Variants in AQP5 observed in about 807,000 individuals in gnomAD.
AQP5 encodes aquaporin-5.
In AQP5, 15 loss-of-function variants were observed where a neutral mutation model predicts 19.1. That is an observed-to-expected ratio of 0.79 (90% confidence interval 0.53 to 1.21). AQP5 has a LOEUF of 1.21. Ranked by LOEUF, AQP5 falls within the 50% of genes most tolerant of loss-of-function variation. The probability of loss-of-function intolerance (pLI) is 0.00; values close to 1 mark genes in which losing one functional copy is unlikely to be tolerated. For synonymous variants in AQP5, 182 were observed against 160.3 expected, an observed-to-expected ratio of 1.14 and a Z score of -1.02; for missense variants, 355 against 357.1, an observed-to-expected ratio of 0.99 and a Z score of 0.05.
chr12:49,964,929 G>T, intron 3 of AQP5, 63 bp from the exon 4 acceptor site: 1 of 1,555,464 alleles, frequency 6.4e-7, no homozygotes. Context: ...TCTGTGGGGT[G>T]GGGGGCATGT....
intron 3 of AQP5, 48 bp from the exon 4 acceptor site, chr12:49,964,944 T>C: frequency 3.2e-6 from 5 of 1,576,850 alleles, no homozygotes; most frequent in Non-Finnish European, 4.3e-6. Flanking sequence ...GCATGTGGTC[T>C]TCAAGGTCTG....
intron 3 of AQP5, 35 bp from the exon 4 acceptor site, chr12:49,964,957 G>T: frequency 6.3e-7 from 1 of 1,593,472 alleles, no homozygotes. Flanking sequence ...AAGGTCTGGG[G>T]CTCAGCGCCC....
At chr12:49,964,784 G>T (rs1947471431) in intron 3 of AQP5, 1 of 985,292 alleles carries the variant, frequency 1.0e-6, no homozygotes, top group African/African-American at 1.7e-5. Flanking sequence ...TGAGGGTCTA[G>T]GTGTCTGTGG....
intron 1 of AQP5, 30 bp from the exon 2 acceptor site, chr12:49,963,462 C>T: frequency 6.2e-7 from 1 of 1,608,054 alleles, no homozygotes; most frequent in Non-Finnish European, 8.5e-7. Flanking sequence ...CAGAAGGTGG[C>T]CGGGGTCCTA....
At chr12:49,963,975 G>A (rs1947458381) in intron 2 of AQP5, 117 bp from the exon 3 acceptor site, 1 of 1,075,520 alleles carries the variant, frequency 9.3e-7, no homozygotes, top group African/African-American at 1.5e-5. Flanking sequence ...GAGGTTGCCA[G>A]CCTGAGTTTG....
intron 3 of AQP5, 62 bp from the exon 4 acceptor site, chr12:49,964,930 G>A: frequency 3.2e-6 from 5 of 1,560,876 alleles, no homozygotes; most frequent in Non-Finnish European, 4.3e-6. Flanking sequence ...CTGTGGGGTG[G>A]GGGGCATGTG....
chr12:49,963,775 T>G, intron 2 of AQP5, 119 bp downstream of exon 2: 1 of 1,346,760 alleles, frequency 7.4e-7, no homozygotes, highest in Admixed American at 2.6e-5. Flanking sequence ...AAGGCCTGGA[T>G]TTAGGGCTCC....
At position 49,962,578 on chromosome 12, in the gene AQP5, C is replaced by G. The variant is rs987527519; in HGVS notation, c.363+198C>G. The stretch of plus-strand genomic sequence containing the variant: ...TCCCTTCCTGCCCACCTCCTCTCCC[C>G]CTCCCCTCATGCTGGCCCACCCTGG... On this transcript the variant is annotated intron_variant, in intron 1 of 3. Coordinates refer to ENST00000293599, the MANE Select transcript of AQP5 (RefSeq NM_001651.4). 72 of 690,874 alleles carry G rather than the reference C, an allele frequency of 1.0e-4. No individual in the cohort carries two copies. In the South Asian group the frequency reaches 1.3e-3, roughly 13 times the overall value. 42.8% of individuals were successfully genotyped at this position (690,874 alleles called of 1,614,324 possible). A position where few individuals can be genotyped will look rare whatever the true frequency, so the allele number is the denominator to read the frequency against.
At chr12:49,962,538 C>CCAAGGCCATGAAGGCAAGAGCCTCCCA in intron 1 of AQP5, 158 bp downstream of exon 1, 1 of 954,598 alleles carries the variant, frequency 1.0e-6, no homozygotes, top group Non-Finnish European at 1.4e-6. Context: ...GGCAACTCTC[C>CCAAGGCCATGAAGGCAAGAGCCTCCCA]AGGCTGATAT....
intron 1 of AQP5, 99 bp downstream of exon 1, chr12:49,962,479 C>G (rs1222939821): frequency 9.7e-7 from 1 of 1,027,914 alleles, no homozygotes; most frequent in African/African-American, 1.6e-5. Flanking sequence ...GCAGAGTGGG[C>G]CAGCCCACAC....
rs770591290 is a variant in AQP5, at chr12:49,962,055, C to T, written c.38C>T (p.Ala13Val). Residue 13 changes from alanine to valine, a missense_variant, in exon 1 of 4, where the codon GCC (alanine) becomes GTC (valine). By Grantham distance (64) the Ala-to-Val change is moderately conservative (BLOSUM62 0). Transcript: ENST00000293599. ...GTGTGCTCCGTGGCCTTCCTCAAGG[C>T]CGTGTTCGCAGAGTTCTTGGCCACC... ...KEVCSVAFLK[A>V]VFAEFLATLI... 19 of 1,605,538 alleles carry T rather than the reference C, an allele frequency of 1.2e-5. No individual in the cohort carries two copies. Among genetic ancestry groups the T allele is most frequent in the Non-Finnish European group, 1.6e-5 (19 of 1,173,750 alleles).
At position 49,963,527 on chromosome 12, in the gene AQP5, G is replaced by A; in HGVS notation, c.399G>A (p.Val133=). Residue 133 remains valine (V), a synonymous_variant, in exon 2 of 4, where the codon GTG becomes GTA. Transcript: ENST00000293599. ...ACACAACGCAGGGCCAGGCCATGGT[G>A]GTGGAGCTGATTCTGACCTTCCAGC... The part of the protein sequence containing the change: ...NNNTTQGQAM[V]VELILTFQLA... The A allele has an allele frequency of 1.9e-6, 3 of 1,613,950 alleles. No homozygotes were observed. The highest frequency in any genetic ancestry group is 2.5e-6 in the Non-Finnish European group (3 of 1,180,034).
chr12:49,962,598 C>G, intron 1 of AQP5: 1 of 564,122 alleles, frequency 1.8e-6, no homozygotes, highest in East Asian at 3.2e-5. Context: ...TGCTGGCCCA[C>G]CCTGGTCTCT....
At chr12:49,964,612 G>A (rs949426372) in intron 3 of AQP5, 17 of 983,062 alleles carry the variant, frequency 1.7e-5, no homozygotes, top group Middle Eastern at 1.0e-3. Context: ...GAAGCTCATG[G>A]TCACTCTCTC....
Position 49,963,643 on chromosome 12 carries a change from GCCAC to G in AQP5, c.517_520del (p.His173LeufsTer11). ...TCCATTGGCCTGTCTGTCACCCTGG[GCCAC>G]CTTGTCGGAGTGAGCAGTACCGACA... On this transcript the variant is annotated frameshift_variant, in exon 2 of 4. Coordinates refer to ENST00000293599, the MANE Select transcript of AQP5 (RefSeq NM_001651.4). LOFTEE classifies it high-confidence loss of function. The G allele has an allele frequency of 6.2e-7, 1 of 1,613,494 alleles. No homozygotes were observed. Among genetic ancestry groups the G allele is most frequent in the Non-Finnish European group, 8.5e-7 (1 of 1,179,954 alleles).
At position 49,965,489 on chromosome 12, in the gene AQP5, C is replaced by T. The variant is rs1947480938; in HGVS notation, c.*312C>T. 1 of 230,348 alleles carries T rather than the reference C, an allele frequency of 4.3e-6. No individual in the cohort carries two copies. The highest frequency in any genetic ancestry group is 8.4e-6 in the Non-Finnish European group (1 of 118,734). The allele number at this position is 230,348 out of a possible 1,614,324, so 14.3% of individuals were successfully genotyped here. A position where few individuals can be genotyped will look rare whatever the true frequency, so the allele number is the denominator to read the frequency against. ...GCGGGCCTGCAGCCTGCACCCCCCA[C>T]CTTCCCCAACCCTTCCTCAAGAGCT... On this transcript the variant is annotated 3_prime_UTR_variant, in exon 4 of 4. Coordinates refer to ENST00000293599, the MANE Select transcript of AQP5 (RefSeq NM_001651.4).
chr12:49,962,520 G>C, intron 1 of AQP5, 140 bp downstream of exon 1: 1 of 1,343,758 alleles, frequency 7.4e-7, no homozygotes, highest in East Asian at 2.6e-5. Flanking sequence ...GCCTCCCAAG[G>C]CCAGGAAGGC....
At chr12:49,964,352 G>A (rs1205217766) in intron 3 of AQP5, among the ~76,000 whole-genome samples, 177 bp downstream of exon 3, 1 of 152,190 alleles carries the variant, frequency 6.6e-6, no homozygotes, top group Non-Finnish European at 1.5e-5. Flanking sequence ...GAGGGGCAGA[G>A]GTGGCTTTGT....
At chr12:49,964,776 A>G in intron 3 of AQP5, 1 of 984,904 alleles carries the variant, frequency 1.0e-6, no homozygotes. Flanking sequence ...GCCTTCTTTG[A>G]GGGTCTAGGT....
Sources: gnomAD v4.1 joint callset for allele counts (sites outside exome capture counted in the v4.1 genomes callset) on GRCh38, gnomAD v4.1.1 for gene constraint, MANE v1.5 for transcripts, NCBI Gene and HGNC (gene_info 2026-07-23, HGNC 2026-07-21) for gene names.